Variants in STK38 observed in about 807,000 individuals in gnomAD.
STK38 encodes the protein serine/threonine-protein kinase 38.
In STK38, 26 loss-of-function variants were observed where a neutral mutation model predicts 59.0. The ratio of observed to expected loss-of-function variants is 0.44; its 90% CI spans 0.32 to 0.61. STK38 has a LOEUF of 0.61. Ranked by LOEUF, STK38 falls within the 20% of genes least tolerant of loss-of-function variation. The pLI, the probability that STK38 is intolerant of heterozygous loss-of-function variation, is 0.04. For synonymous variants in STK38, 175 were observed against 176.6 expected (o/e 0.99, Z 0.07); for missense variants, 433 against 566.0 (o/e 0.76, Z 2.38).
intron 7 of STK38, among the ~76,000 whole-genome samples, chr6:36,513,559 T>G (rs1027478207): frequency 8.7e-5 from 13 of 150,210 alleles, no homozygotes; most frequent in African/African-American, 3.2e-4. Flanking sequence ...GTGATCCGCC[T>G]GCCTCGGCCT....
chr6:36,532,500 A>G (rs7763089), intron 2 of STK38, among the ~76,000 whole-genome samples: 36,140 of 151,868 alleles, frequency 0.24, 4,537 homozygotes, highest in East Asian at 0.39. Context: ...TACTAGCCGG[A>G]TGTGATGGCT....
intron 7 of STK38, among the ~76,000 whole-genome samples, chr6:36,510,665 TA>T (rs1777087771): frequency 6.6e-6 from 1 of 152,160 alleles, no homozygotes; most frequent in East Asian, 1.9e-4. Context: ...CTCTTAACTT[TA>T]TAATTTTCAT....
At chr6:36,497,966 A>G (rs562641575) in intron 11 of STK38, 91 bp from the exon 12 acceptor site, 20 of 837,792 alleles carry the variant, frequency 2.4e-5, no homozygotes, top group Middle Eastern at 2.3e-4. Context: ...TTGAGACAGC[A>G]TCTCACTCTG....
intron 11 of STK38, among the ~76,000 whole-genome samples, chr6:36,498,090 C>G (rs929183365): frequency 6.6e-6 from 1 of 152,004 alleles, no homozygotes; most frequent in Non-Finnish European, 1.5e-5. Flanking sequence ...CAGGTTCCAC[C>G]ACACCCAGCC....
At chr6:36,532,250 C>T (rs367579800) in intron 2 of STK38, among the ~76,000 whole-genome samples, 2 of 143,094 alleles carry the variant, frequency 1.4e-5, no homozygotes, top group Admixed American at 7.4e-5. Context: ...CGGCAGTGAG[C>T]GAGCCATGAT....
At chr6:36,496,028 T>C (rs1776695402) in intron 13 of STK38, 114 bp from the exon 14 acceptor site, 2 of 1,262,486 alleles carry the variant, frequency 1.6e-6, no homozygotes, top group South Asian at 1.4e-5. Flanking sequence ...GGAAAGCTTA[T>C]TTTTCACTCT....
intron 7 of STK38, among the ~76,000 whole-genome samples, chr6:36,508,633 C>T (rs558803950): frequency 6.6e-6 from 1 of 152,338 alleles, no homozygotes; most frequent in Admixed American, 6.5e-5. Context: ...TGCCTTTACC[C>T]GAGTTTTGCT....
intron 2 of STK38, among the ~76,000 whole-genome samples, chr6:36,529,539 G>A (rs1167405697): frequency 6.6e-6 from 1 of 152,108 alleles, no homozygotes; most frequent in African/African-American, 2.4e-5. Context: ...GGAGAGAGAC[G>A]AAGCCACTTT....
At chr6:36,527,274 GTATACATA>G (rs1241553177) in intron 2 of STK38, among the ~76,000 whole-genome samples, 5 of 140,546 alleles carry the variant, frequency 3.6e-5, no homozygotes, top group African/African-American at 1.3e-4. Flanking sequence ...ATGTACACAT[GTATACATA>G]TATACATATA....
At chr6:36,502,538 G>A (rs530291281) in intron 9 of STK38, among the ~76,000 whole-genome samples, 23 of 151,972 alleles carry the variant, frequency 1.5e-4, no homozygotes, top group Non-Finnish European at 1.3e-4. Flanking sequence ...CCAGATTGAC[G>A]CTTGTTATTT....
chr6:36,519,912 G>T (rs759318060), intron 5 of STK38, among the ~76,000 whole-genome samples: 2 of 152,030 alleles, frequency 1.3e-5, no homozygotes, highest in Non-Finnish European at 2.9e-5. Context: ...TTTCCACCAC[G>T]TGGAGCAGAA....
At chr6:36,527,539 T>C (rs116524408) in intron 2 of STK38, among the ~76,000 whole-genome samples, 1,535 of 148,408 alleles carry the variant, frequency 0.01, 16 homozygotes, top group Middle Eastern at 0.062. Flanking sequence ...GATGTCGGAG[T>C]GAGACTCTGC....
intron 2 of STK38, among the ~76,000 whole-genome samples, chr6:36,529,066 G>C (rs1447908700): frequency 6.6e-6 from 1 of 152,188 alleles, no homozygotes; most frequent in Admixed American, 6.5e-5. Flanking sequence ...CAAAGACCTT[G>C]AGGACACCAA....
At chr6:36,514,150 G>A (rs1234766246) in intron 7 of STK38, among the ~76,000 whole-genome samples, 7 of 116,036 alleles carry the variant, frequency 6.0e-5, no homozygotes, top group African/African-American at 2.5e-4. Context: ...GCGAGACTCC[G>A]TCTCAAAAAA....
Position 36,498,347 on chromosome 6 carries a change from G to A in STK38, c.1076+16C>T. 6.3e-7 allele frequency: 1 copy of A among 1,596,898 alleles called. No individual in the cohort carries two copies. On this transcript the variant is annotated intron_variant, in intron 11 of 13. Coordinates refer to ENST00000229812, the MANE Select transcript of STK38 (RefSeq NM_007271.4). Reference sequence around the variant, plus strand: ...TAAAAAGCTGAGAAAGAAGGTGGAGGGATGTTCTCTAATACCTCAAAATTA... The same window carrying A: ...TAAAAAGCTGAGAAAGAAGGTGGAGAGATGTTCTCTAATACCTCAAAATTA...
intron 2 of STK38, among the ~76,000 whole-genome samples, chr6:36,533,394 CTCT>C (rs1217441599): frequency 6.6e-6 from 1 of 152,194 alleles, no homozygotes; most frequent in Non-Finnish European, 1.5e-5. Flanking sequence ...ATCTAACATT[CTCT>C]TCTGTCTTTT....
In STK38 at chr6:36,506,656, G is replaced by A. The variant is rs1776969348; in HGVS notation, c.773-12C>T. On this transcript the variant is annotated splice_polypyrimidine_tract_variant and intron_variant, in intron 8 of 13. Coordinates refer to ENST00000229812, the MANE Select transcript of STK38 (RefSeq NM_007271.4). Reference sequence around the variant, plus strand: ...CATGTTCTGGAAAGCTGAAAGTAAAGAATACAAGCTGCAGTCAAAGTTCAG... The same window carrying A: ...CATGTTCTGGAAAGCTGAAAGTAAAAAATACAAGCTGCAGTCAAAGTTCAG... 6 of 1,611,326 alleles carry A rather than the reference G, an allele frequency of 3.7e-6. No homozygotes were observed. The highest frequency in any genetic ancestry group is 5.1e-6 in the Non-Finnish European group (6 of 1,179,328).
chr6:36,499,833 T>C (rs746714190), intron 10 of STK38, 40 bp downstream of exon 10: 19 of 1,489,134 alleles, frequency 1.3e-5, no homozygotes, highest in Non-Finnish European at 1.6e-5. Flanking sequence ...AAGTCTGTCA[T>C]GGATGCACAG....
intron 1 of STK38, among the ~76,000 whole-genome samples, chr6:36,543,344 C>G (rs935510659): frequency 6.6e-6 from 1 of 152,058 alleles, no homozygotes; most frequent in East Asian, 1.9e-4. Flanking sequence ...GGATTACAGG[C>G]GTGAGCCACC....
Sources: allele counts gnomAD v4.1 joint callset (sites outside exome capture counted in the v4.1 genomes callset), GRCh38; gene constraint gnomAD v4.1.1; transcripts MANE v1.5; gene names NCBI Gene and HGNC (gene_info 2026-07-23, HGNC 2026-07-21).